The following SDK1 variants were observed in gnomAD, a reference collection of about 807,000 sequenced individuals.
The protein encoded by SDK1 is protein sidekick-1.
Under a neutral mutation model 245.5 loss-of-function variants are expected in SDK1, and 157 were observed. The ratio of observed to expected loss-of-function variants is 0.64; its 90% CI spans 0.56 to 0.73. The LOEUF (loss-of-function observed/expected upper bound fraction) is 0.73. Ranked by LOEUF, SDK1 falls within the 30% of genes least tolerant of loss-of-function variation. The pLI is 0.00. For synonymous variants in SDK1, 1,647 were observed against 1,278.5 expected, an observed-to-expected ratio of 1.29 and a Z score of -6.15; for missense variants, 3,583 against 3,002.3, an observed-to-expected ratio of 1.19 and a Z score of -4.52.
chr7:3,791,683 A>G (rs777676085), intron 4 of SDK1, among the ~76,000 whole-genome samples: 17 of 152,146 alleles, frequency 1.1e-4, no homozygotes, highest in Non-Finnish European at 2.1e-4. Context: ...GCGGAATCCA[A>G]TTTCCTGTCT....
At chr7:4,033,679 C>G (rs970357117) in intron 17 of SDK1, among the ~76,000 whole-genome samples, 3 of 152,054 alleles carry the variant, frequency 2.0e-5, no homozygotes, top group Non-Finnish European at 4.4e-5. Flanking sequence ...CACAGAAGTG[C>G]AAATGGCCCA....
At chr7:3,383,830 C>T (rs917664425) in intron 1 of SDK1, among the ~76,000 whole-genome samples, 2 of 152,186 alleles carry the variant, frequency 1.3e-5, no homozygotes, top group African/African-American at 2.4e-5. Flanking sequence ...AAATGGGTCT[C>T]ATCCAAAGGA....
chr7:4,044,273 A>AT lies in SDK1; in HGVS notation c.2603-5074dup, dbSNP rs149262211. On this transcript the variant is annotated intron_variant, in intron 17 of 44. Transcript: ENST00000404826. ...GGCCTCGCCAGCCTGCAGCCTCAGGATCCCCACACTCCTACCGCTGCTCAG... is the reference window on the plus strand; with the variant it reads ...GGCCTCGCCAGCCTGCAGCCTCAGGATTCCCCACACTCCTACCGCTGCTCAG... Among the ~76,000 whole-genome samples, 1,198 of 152,198 alleles carry AT rather than the reference A, an allele frequency of 7.9e-3. 10 individuals are homozygous for AT. Among genetic ancestry groups the AT allele is most frequent in the African/African-American group, 0.028 (1,149 of 41,516 alleles).
rs535166747 is a variant in SDK1 at position 3,621,697 on chromosome 7, A to T, written c.458+2458A>T. ...AGTGGTTTCTCCTCCATCCCAGGAGAAAGCGCACCTGTACCTTATCTGAGT... is the reference window on the plus strand; with the variant it reads ...AGTGGTTTCTCCTCCATCCCAGGAGTAAGCGCACCTGTACCTTATCTGAGT... On this transcript the variant is annotated intron_variant, in intron 2 of 44. Transcript: ENST00000404826. 2.0e-5 allele frequency among the ~76,000 whole-genome samples: 3 copies of T among 152,316 alleles called. No homozygotes were observed. The South Asian group carries it at 6.2e-4, about 32-fold the overall frequency.
At chr7:4,051,517 T>C (rs1789475003) in intron 18 of SDK1, 121 bp from the exon 19 acceptor site, 1 of 828,570 alleles carries the variant, frequency 1.2e-6, no homozygotes, top group Non-Finnish European at 1.9e-6. Flanking sequence ...AATGCAGGAT[T>C]TATGGACTTT....
At chr7:3,576,123 A>G (rs565656870) in intron 1 of SDK1, among the ~76,000 whole-genome samples, 1 of 152,248 alleles carries the variant, frequency 6.6e-6, no homozygotes, top group Admixed American at 6.5e-5. Context: ...AAGCAACATT[A>G]TTTCCAGCTG....
At chr7:3,462,358 C>T (rs956589522) in intron 1 of SDK1, among the ~76,000 whole-genome samples, 1 of 152,146 alleles carries the variant, frequency 6.6e-6, no homozygotes, top group Admixed American at 6.5e-5. Context: ...GGTTGAGTAT[C>T]ATTATAATAT....
At chr7:3,403,615 G>C (rs904800876) in intron 1 of SDK1, among the ~76,000 whole-genome samples, 10 of 151,350 alleles carry the variant, frequency 6.6e-5, no homozygotes, top group Non-Finnish European at 1.3e-4. Flanking sequence ...AGAGTAAAGA[G>C]AGCACAAATA....
chr7:3,523,658 T>C (rs1783020331), intron 1 of SDK1, among the ~76,000 whole-genome samples: 1 of 152,140 alleles, frequency 6.6e-6, no homozygotes, highest in Non-Finnish European at 1.5e-5. Flanking sequence ...TCTACCAGAA[T>C]GAGTGCAGGA....
At chr7:3,490,842 TTTCTTGGGTG>T (rs1317259469) in intron 1 of SDK1, among the ~76,000 whole-genome samples, 1 of 152,190 alleles carries the variant, frequency 6.6e-6, no homozygotes, top group African/African-American at 2.4e-5. Context: ...TACTCTCCCT[TTTCTTGGGTG>T]TTCTTGGAAC....
At position 3,914,047 on chromosome 7, in the gene SDK1, G is replaced by GT. The variant is rs549345603; in HGVS notation, c.848-36874dup. Among the ~76,000 whole-genome samples, 201 of 152,330 alleles carry GT rather than the reference G, an allele frequency of 1.3e-3. 2 individuals are homozygous for GT. The highest frequency in any genetic ancestry group is 4.3e-3 in the African/African-American group (180 of 41,586). Reference sequence around the variant, plus strand: ...AAAGGAAGAAGCATCTACTCCAGATGTTGAAAAAGGTAAGGAGCGGTTATG... The same window carrying GT: ...AAAGGAAGAAGCATCTACTCCAGATGTTTGAAAAAGGTAAGGAGCGGTTATG... On this transcript the variant is annotated intron_variant, in intron 5 of 44. Coordinates refer to ENST00000404826, the MANE Select transcript of SDK1 (RefSeq NM_152744.4).
At chr7:3,945,617 C>T (rs985950143) in intron 5 of SDK1, among the ~76,000 whole-genome samples, 5 of 151,966 alleles carry the variant, frequency 3.3e-5, no homozygotes, top group African/African-American at 1.2e-4. Context: ...AGTTGAGGGC[C>T]GGGCTTGGTG....
At chr7:4,171,512 C>T (rs1781836601) in intron 32 of SDK1, among the ~76,000 whole-genome samples, 2 of 152,172 alleles carry the variant, frequency 1.3e-5, no homozygotes, top group South Asian at 2.1e-4. Flanking sequence ...AAGAGAGCCT[C>T]ATTTGACATT....
At chr7:3,677,473 G>C (rs577599764) in intron 4 of SDK1, among the ~76,000 whole-genome samples, 14 of 152,304 alleles carry the variant, frequency 9.2e-5, no homozygotes, top group Middle Eastern at 3.4e-3. Flanking sequence ...GCAGACAAGA[G>C]AGCTTGTGCA....
At chr7:3,563,971 T>A (rs1278898898) in intron 1 of SDK1, among the ~76,000 whole-genome samples, 1 of 152,084 alleles carries the variant, frequency 6.6e-6, no homozygotes, top group Non-Finnish European at 1.5e-5. Context: ...ATTAAAAAAA[T>A]AAAATTATGA....
intron 1 of SDK1, among the ~76,000 whole-genome samples, chr7:3,537,285 C>T (rs1193444298): frequency 7.9e-5 from 12 of 152,212 alleles, no homozygotes; most frequent in Non-Finnish European, 1.5e-4. Flanking sequence ...TTATGACTGT[C>T]TTAAAATACC....
At chr7:3,701,938 A>G (rs972063235) in intron 4 of SDK1, among the ~76,000 whole-genome samples, 1 of 149,174 alleles carries the variant, frequency 6.7e-6, no homozygotes. Flanking sequence ...AAAAAAAAAA[A>G]AAAAAAAGAA....
chr7:3,502,780 C>T (rs1431182523), intron 1 of SDK1, among the ~76,000 whole-genome samples: 3 of 152,186 alleles, frequency 2.0e-5, no homozygotes, highest in Non-Finnish European at 2.9e-5. Context: ...ATTAACAACA[C>T]ATTTCTTACA....
intron 22 of SDK1, among the ~76,000 whole-genome samples, chr7:4,094,900 G>T (rs1782049883): frequency 6.6e-6 from 1 of 152,198 alleles, no homozygotes. Context: ...TTACCTAAAA[G>T]GACATCTTAA....
Sources: gnomAD v4.1 joint callset for allele counts (sites outside exome capture counted in the v4.1 genomes callset) on GRCh38, gnomAD v4.1.1 for gene constraint, MANE v1.5 for transcripts, NCBI Gene and HGNC (gene_info 2026-07-23, HGNC 2026-07-21) for gene names.